ANO8: variants seen among roughly 807,000 people sequenced by gnomAD.
The protein encoded by ANO8 is anoctamin 8.
In ANO8, 67 loss-of-function variants were observed where a neutral mutation model predicts 120.4. The ratio of observed to expected loss-of-function variants is 0.56; its 90% CI spans 0.46 to 0.68. The LOEUF (loss-of-function observed/expected upper bound fraction) is 0.68, where lower values mean the gene tolerates loss of function less well. Ranked by LOEUF, ANO8 falls within the 30% of genes least tolerant of loss-of-function variation. The probability of loss-of-function intolerance (pLI) is 0.00; values close to 1 mark genes in which losing one functional copy is unlikely to be tolerated. For missense variants in ANO8, 1,526 were observed against 1,737.6 expected (o/e 0.88, Z 2.16); for synonymous variants, 727 against 759.2 (o/e 0.96, Z 0.70).
At chr19:17,331,759 G>C (rs555530672) in intron 5 of ANO8, among the ~76,000 whole-genome samples, 2 of 151,476 alleles carry the variant, frequency 1.3e-5, no homozygotes, top group Non-Finnish European at 2.9e-5. Flanking sequence ...TCAGCCTCCG[G>C]AGTAGCTGGG....
Position 17,324,987 on chromosome 19 carries a change from G to A in ANO8, c.3061C>T (p.Leu1021=), listed in dbSNP as rs1568357642. 6.2e-7 allele frequency: 1 copy of A among 1,613,106 alleles called. No homozygotes were observed. Among genetic ancestry groups the A allele is most frequent in the African/African-American group, 1.3e-5 (1 of 75,066 alleles). Residue 1021 remains leucine, a synonymous_variant, in exon 17 of 18, where the codon CTG becomes TTG. Transcript: ENST00000159087. The stretch of plus-strand genomic sequence containing the variant: ...AACTTGAAGCTGAGGAAGGCAGGCA[G>A]GCGGGTGTCGCTGCCTGTGGGTGAC... ...AQSPTGSDTR[L]PAFLSFKFLK...
At position 17,332,698 on chromosome 19, in the gene ANO8, T is replaced by C. The variant is rs545211102; in HGVS notation, c.586+232A>G. 7.2e-5 allele frequency among the ~76,000 whole-genome samples: 11 copies of C among 152,298 alleles called. No homozygotes were observed. In the East Asian group the frequency reaches 2.1e-3, roughly 29 times the overall value. On this transcript the variant is annotated intron_variant, in intron 5 of 17. Coordinates refer to ENST00000159087, the MANE Select transcript of ANO8 (RefSeq NM_020959.3). ...TTGCCAACCCCTAACTGGTTGGACA[T>C]AAGCCCTGACCTCCTGTCCTGATAA...
chr19:17,328,901 C>T lies in ANO8; in HGVS notation c.1487G>A (p.Gly496Asp), dbSNP rs1461174707. The T allele has an allele frequency of 6.6e-7, 1 of 1,506,198 alleles. No homozygotes were observed. Among genetic ancestry groups the T allele is most frequent in the Admixed American group, 2.1e-5 (1 of 47,928 alleles). 93.3% of individuals were successfully genotyped at this position (1,506,198 alleles called of 1,614,324 possible). A position where few individuals can be genotyped will look rare whatever the true frequency, so the allele number is the denominator to read the frequency against. ...VLQPHLYRRL[G>D]RGELGLRAVW... is the part of the protein sequence containing the mutation. ...GGCCCGCAGGCCCAGCTCGCCGCGGCCCAGGCGCCGGTACAGGTGCGGCTG... is the reference window on the plus strand; with the variant it reads ...GGCCCGCAGGCCCAGCTCGCCGCGGTCCAGGCGCCGGTACAGGTGCGGCTG... Residue 496 changes from glycine (G) to aspartate (D), a missense_variant, in exon 13 of 18, where the codon GGC becomes GAC. Around this residue, in one of 8 missense-constraint regions of ANO8, gnomAD observed 467 missense variants for 425.8 expected, o/e 1.10. Transcript: ENST00000159087.
At chr19:17,330,711 C>T in intron 8 of ANO8, 117 bp downstream of exon 8, 1 of 1,467,468 alleles carries the variant, frequency 6.8e-7, no homozygotes, top group Non-Finnish European at 9.1e-7. Flanking sequence ...CTCGGTTTGG[C>T]ATACCCTCTT....
In ANO8 at chr19:17,333,231, C is replaced by T. The variant is rs2074332935; in HGVS notation, c.359G>A (p.Arg120Gln). Reference sequence around the variant, plus strand: ...GCGCAGACCCAGCTCGTCGGCCCCTCGGAGTAGGCTGTGAAGAAGGCGGAG... The same window carrying T: ...GCGCAGACCCAGCTCGTCGGCCCCTTGGAGTAGGCTGTGAAGAAGGCGGAG... ...FVTATYESLL[R>Q]GADELGLRKA... The change falls in exon 4 of 18, where the codon CGA becomes CAA. Residue 120 changes from arginine to glutamine, a missense_variant. Transcript: ENST00000159087. This position sits in a 1 kb window ranked among gnomAD's most constrained non-coding sequence, Gnocchi z 7.2. 2 of 1,609,202 alleles carry T rather than the reference C, an allele frequency of 1.2e-6. No homozygotes were observed. Among genetic ancestry groups the T allele is most frequent in the South Asian group, 1.1e-5 (1 of 90,802 alleles).
Position 17,327,740 on chromosome 19 carries a change from G to A in ANO8, c.2367C>T (p.Thr789=). 1 of 1,614,018 alleles carries A rather than the reference G, an allele frequency of 6.2e-7. No individual in the cohort carries two copies. Among genetic ancestry groups the A allele is most frequent in the Non-Finnish European group, 8.5e-7 (1 of 1,179,982 alleles). ...EIRSDAFKLC[T]GLQRPFGQRV... ...GCTGGCCGAAGGGCCGCTGCAGCCC[G>A]GTGCACAGCTTGAAGGCGTCGCTGC... The change falls in exon 14 of 18, where the codon ACC becomes ACT. Residue 789 remains threonine, a synonymous_variant. Transcript: ENST00000159087.
In ANO8 at chr19:17,323,762, C is replaced by G; in HGVS notation, c.3454G>C (p.Asp1152His). 1 of 1,192,000 alleles carries G rather than the reference C, an allele frequency of 8.4e-7. No individual in the cohort carries two copies. Among genetic ancestry groups the G allele is most frequent in the Non-Finnish European group, 1.0e-6 (1 of 962,110 alleles). 73.8% of individuals were successfully genotyped at this position (1,192,000 alleles called of 1,614,324 possible). Residue 1152 changes from aspartate to histidine, a missense_variant, in exon 18 of 18, where the codon GAC becomes CAC. By Grantham distance (81) the Asp-to-His change is moderately conservative. Coordinates refer to ENST00000159087, the MANE Select transcript of ANO8 (RefSeq NM_020959.3). ...PTPPAGCWQW[D>H]GPWGCGGEGA... The stretch of plus-strand genomic sequence containing the variant: ...TCGCCCCCGCAGCCCCAGGGCCCGT[C>G]CCACTGCCAGCAGCCTGCGGGCGGT...
chr19:17,329,486 A>G, intron 12 of ANO8: 1 of 530,606 alleles, frequency 1.9e-6, no homozygotes, highest in Non-Finnish European at 3.4e-6. Context: ...GAGCGGGACC[A>G]GCACCGCCTG....
Position 17,331,489 on chromosome 19 carries a change from C to T in ANO8, c.587-78G>A, listed in dbSNP as rs578200537. The stretch of plus-strand genomic sequence containing the variant: ...GGCTAGCCCCTCTTTGTCTGAAACC[C>T]AAGTCACAGCTTTTTGCCTGCTCTT... On this transcript the variant is annotated intron_variant, in intron 5 of 17. Coordinates refer to ENST00000159087, the MANE Select transcript of ANO8 (RefSeq NM_020959.3). 7 of 1,317,276 alleles carry T rather than the reference C, an allele frequency of 5.3e-6. No individual in the cohort carries two copies. In the South Asian group the frequency reaches 7.1e-5, roughly 13 times the overall value. 81.6% of individuals were successfully genotyped at this position (1,317,276 alleles called of 1,614,324 possible).
rs1407139223 is a variant in ANO8, at chr19:17,332,913, G to C, written c.586+17C>G. 6.2e-7 allele frequency: 1 copy of C among 1,613,392 alleles called. No individual in the cohort carries two copies. Among genetic ancestry groups the C allele is most frequent in the Non-Finnish European group, 8.5e-7 (1 of 1,179,824 alleles). On this transcript the variant is annotated intron_variant, in intron 5 of 17. Coordinates refer to ENST00000159087, the MANE Select transcript of ANO8 (RefSeq NM_020959.3). ...CAACTCTCTGCCTGTGATTGGTGTT[G>C]ACCCCGCCCTGCTCACTGATTGGCT...
In ANO8 at chr19:17,325,519, C is replaced by A. The variant is rs2074268792; in HGVS notation, c.2662-133G>T. On this transcript the variant is annotated intron_variant, in intron 16 of 17. Coordinates refer to ENST00000159087, the MANE Select transcript of ANO8 (RefSeq NM_020959.3). ...ATGCTTATTAGGCTCCAACTGTATC[C>A]CTGCACCCACAATGGGGGCTCCCTG... The A allele has an allele frequency of 7.6e-6, 10 of 1,308,028 alleles. No individual in the cohort carries two copies. The South Asian group carries it at 1.6e-4, about 20-fold the overall frequency. 81.0% of individuals were successfully genotyped at this position (1,308,028 alleles called of 1,614,324 possible).
rs926237612 is a variant in ANO8 at position 17,334,639 on chromosome 19, G to A, written c.32C>T (p.Thr11Met). MAEAASGAGG[T>M]SLEGERGKRP... ...CTTGCCACGCTCGCCCTCCAGGGACGTGCCCCCGGCGCCGGAGGCGGCCTC... is the reference window on the plus strand; with the variant it reads ...CTTGCCACGCTCGCCCTCCAGGGACATGCCCCCGGCGCCGGAGGCGGCCTC... Residue 11 changes from threonine to methionine, a missense_variant, in exon 1 of 18, where the codon ACG (threonine) becomes ATG (methionine). Physicochemically the swap from Thr to Met is moderately conservative, Grantham distance 81. Coordinates refer to ENST00000159087, the MANE Select transcript of ANO8 (RefSeq NM_020959.3). The A allele has an allele frequency of 2.0e-6, 3 of 1,491,990 alleles. No individual in the cohort carries two copies. The highest frequency in any genetic ancestry group is 2.9e-5 in the African/African-American group (2 of 68,406). 92.4% of individuals were successfully genotyped at this position (1,491,990 alleles called of 1,614,324 possible).
intron 13 of ANO8, 66 bp downstream of exon 13, chr19:17,328,095 AC>A: frequency 7.3e-7 from 1 of 1,368,716 alleles, no homozygotes; most frequent in Non-Finnish European, 9.7e-7. Context: ...CACGGCCTTC[AC>A]CCTCGGACGG....
In ANO8 at chr19:17,328,943, T is replaced by C; in HGVS notation, c.1445A>G (p.Asn482Ser). The change falls in exon 13 of 18, where the codon AAC (asparagine) becomes AGC (serine). Residue 482 changes from asparagine to serine, a missense_variant. Physicochemically the swap from Asn to Ser is conservative, Grantham distance 46 (BLOSUM62 1). Around this residue, in one of 8 missense-constraint regions of ANO8, gnomAD observed 467 missense variants for 425.8 expected, o/e 1.10. Coordinates refer to ENST00000159087, the MANE Select transcript of ANO8 (RefSeq NM_020959.3). The part of the protein sequence containing the change: ...TLLITRQFLQ[N>S]VREVLQPHLY... ...GTGCGGCTGCAGGACCTCGCGCACG[T>C]TCTGGAGGAACTGGCGGGTGATCAG... 6.6e-7 allele frequency: 1 copy of C among 1,508,776 alleles called. No homozygotes were observed. Among genetic ancestry groups the C allele is most frequent in the Non-Finnish European group, 8.8e-7 (1 of 1,130,470 alleles). The allele number at this position is 1,508,776 out of a possible 1,614,324, so 93.5% of individuals were successfully genotyped here.
chr19:17,325,184 G>A lies in ANO8; in HGVS notation c.2864C>T (p.Ala955Val), dbSNP rs139768548. 38 of 1,612,918 alleles carry A rather than the reference G, an allele frequency of 2.4e-5. No homozygotes were observed. The highest frequency in any genetic ancestry group is 3.3e-5 in the South Asian group (3 of 91,046). ...GGGCCGTTCAGGCCCGTGGCCACCCGCAGTGCTGCCCTTGGCCTTGGCAGA... is the reference window on the plus strand; with the variant it reads ...GGGCCGTTCAGGCCCGTGGCCACCCACAGTGCTGCCCTTGGCCTTGGCAGA... Reference protein sequence around the residue: ...KASAKAKGSTAGGHGPERPKR... With the variant: ...KASAKAKGSTVGGHGPERPKR... The change falls in exon 17 of 18, where the codon GCG (alanine) becomes GTG (valine). Residue 955 changes from alanine to valine, a missense_variant. Physicochemically the swap from Ala to Val is moderately conservative, Grantham distance 64. Transcript: ENST00000159087.
At chr19:17,326,743 A>G (rs553790381) in intron 16 of ANO8, among the ~76,000 whole-genome samples, 2 of 152,238 alleles carry the variant, frequency 1.3e-5, no homozygotes, top group East Asian at 3.9e-4. Flanking sequence ...TCCTTGGCCC[A>G]TTCTGTAGCT....
At chr19:17,325,642 T>C (rs1025073688) in intron 16 of ANO8, among the ~76,000 whole-genome samples, 1 of 152,198 alleles carries the variant, frequency 6.6e-6, no homozygotes, top group African/African-American at 2.4e-5. Context: ...TAAATGCTTA[T>C]TGGGGCTGGG....
In ANO8 at chr19:17,323,506, G is replaced by C. The variant is rs2074251382; in HGVS notation, c.*11C>G. On this transcript the variant is annotated 3_prime_UTR_variant, in exon 18 of 18. Coordinates refer to ENST00000159087, the MANE Select transcript of ANO8 (RefSeq NM_020959.3). Reference sequence around the variant, plus strand: ...TATTGCATATGAGAAGAGAAGGCAGGGCGGGTAGAGCTAATGCCAGCCGCT... The same window carrying C: ...TATTGCATATGAGAAGAGAAGGCAGCGCGGGTAGAGCTAATGCCAGCCGCT... The C allele has an allele frequency of 7.7e-7, 1 of 1,292,892 alleles. No individual in the cohort carries two copies. Among genetic ancestry groups the C allele is most frequent in the African/African-American group, 1.5e-5 (1 of 66,206 alleles). The allele number at this position is 1,292,892 out of a possible 1,614,324, so 80.1% of individuals were successfully genotyped here. A position where few individuals can be genotyped will look rare whatever the true frequency, so the allele number is the denominator to read the frequency against.
At position 17,323,891 on chromosome 19, in the gene ANO8, A is replaced by G; in HGVS notation, c.3332-7T>C. 9.0e-7 allele frequency: 1 copy of G among 1,116,082 alleles called. No individual in the cohort carries two copies. The highest frequency in any genetic ancestry group is 1.1e-6 in the Non-Finnish European group (1 of 913,932). The allele number at this position is 1,116,082 out of a possible 1,614,324, so 69.1% of individuals were successfully genotyped here. ...ACGGGGGCCAGCGCTGTCCCTGCGG[A>G]GGCGAGAGGGGCCGTTCCGGGGGGA... On this transcript the variant is annotated splice_region_variant and splice_polypyrimidine_tract_variant and intron_variant, in intron 17 of 17. Transcript: ENST00000159087.
Sources: gnomAD v4.1 joint callset for allele counts (sites outside exome capture counted in the v4.1 genomes callset) on GRCh38, gnomAD v4.1.1 for gene constraint, gnomAD v4.1.1 regional missense constraint, Gnocchi (gnomAD v3.1) non-coding constraint, MANE v1.5 for transcripts, NCBI Gene and HGNC (gene_info 2026-07-23, HGNC 2026-07-21) for gene names.